The following GRM3 variants were observed in gnomAD, a reference collection of about 807,000 sequenced individuals.
GRM3 encodes glutamate metabotropic receptor 3, also known as metabotropic glutamate receptor 3.
GRM3 carries 26 observed loss-of-function variants against 70.5 expected under a neutral mutation model. The ratio of observed to expected loss-of-function variants is 0.37; its 90% CI spans 0.27 to 0.51. The LOEUF is 0.51. GRM3 is among the 20% of genes least tolerant of loss of function. GRM3 has a pLI of 0.93. For synonymous variants in GRM3, 443 were observed against 434.9 expected, an observed-to-expected ratio of 1.02 and a Z score of -0.23; for missense variants, 859 against 1,123.8, an observed-to-expected ratio of 0.76 and a Z score of 3.37.
intron 3 of GRM3, among the ~76,000 whole-genome samples, chr7:86,801,163 C>T (rs1322727437): frequency 1.3e-5 from 2 of 150,910 alleles, no homozygotes; most frequent in Admixed American, 6.6e-5. Context: ...CTCTGCCTCC[C>T]GAGTTCAAGC....
chr7:86,772,964 T>C (rs1272728426), intron 2 of GRM3, among the ~76,000 whole-genome samples: 1 of 152,132 alleles, frequency 6.6e-6, no homozygotes, highest in Non-Finnish European at 1.5e-5. Flanking sequence ...CATTGTCTCT[T>C]TACTCATGTC....
At chr7:86,719,394 G>A (rs112709499) in intron 1 of GRM3, among the ~76,000 whole-genome samples, 35 of 152,014 alleles carry the variant, frequency 2.3e-4, no homozygotes, top group African/African-American at 8.2e-4. Context: ...CAGTGTACCA[G>A]GCATATAAAG....
At chr7:86,648,618 G>A (rs1008471726) in intron 1 of GRM3, among the ~76,000 whole-genome samples, 6 of 151,888 alleles carry the variant, frequency 4.0e-5, no homozygotes, top group South Asian at 2.1e-4. Context: ...ATTATTCACC[G>A]TGCTGCATTA....
At chr7:86,730,365 AG>A (rs1795702791) in intron 1 of GRM3, among the ~76,000 whole-genome samples, 1 of 152,212 alleles carries the variant, frequency 6.6e-6, no homozygotes, top group African/African-American at 2.4e-5. Flanking sequence ...GGTTGCAGTG[AG>A]CCAAGATCGT....
chr7:86,838,718 T>TTCAATGGTAACTG, intron 3 of GRM3, 121 bp from the exon 4 acceptor site: 1 of 627,554 alleles, frequency 1.6e-6, no homozygotes, highest in Non-Finnish European at 2.8e-6. Flanking sequence ...ACTGATAAAT[T>TTCAATGGTAACTG]ATTTCAGCCT....
chr7:86,822,658 G>A (rs1431905890), intron 3 of GRM3, among the ~76,000 whole-genome samples: 1 of 152,170 alleles, frequency 6.6e-6, no homozygotes, highest in African/African-American at 2.4e-5. Context: ...GATTGTGTGG[G>A]ACTGTGAAAT....
intron 2 of GRM3, chr7:86,775,305 C>T (rs1000144583): frequency 6.6e-6 from 1 of 152,016 alleles, no homozygotes; most frequent in African/African-American, 2.4e-5. Context: ...CAAATAAAAA[C>T]ACAAGTACTT....
intron 1 of GRM3, among the ~76,000 whole-genome samples, chr7:86,687,366 G>C (rs1035752673): frequency 1.3e-5 from 2 of 151,894 alleles, no homozygotes; most frequent in Non-Finnish European, 2.9e-5. Context: ...AGTGCCTGGG[G>C]TGTAGCCAGG....
At chr7:86,788,614 A>G (rs1001621683) in intron 3 of GRM3, among the ~76,000 whole-genome samples, 54 of 152,344 alleles carry the variant, frequency 3.5e-4, no homozygotes, top group African/African-American at 1.2e-3. Flanking sequence ...TTCATCTTCA[A>G]ATCCCAGGTT....
chr7:86,683,777 G>A (rs1334292829), intron 1 of GRM3, among the ~76,000 whole-genome samples: 4 of 152,108 alleles, frequency 2.6e-5, no homozygotes, highest in Non-Finnish European at 5.9e-5. Flanking sequence ...ACTGGAAAGT[G>A]CCAGGTGCCT....
Position 86,864,642 on chromosome 7 carries a change from AAAAAAAAAC to A in GRM3, c.*296_*304del. 4.9e-6 allele frequency: 1 copy of A among 202,306 alleles called. No homozygotes were observed. The highest frequency in any genetic ancestry group is 1.1e-4 in the East Asian group (1 of 8,788). The allele number at this position is 202,306 out of a possible 1,614,324, so 12.5% of individuals were successfully genotyped here. A position where few individuals can be genotyped will look rare whatever the true frequency, so the allele number is the denominator to read the frequency against. ...CATGGTCAGTCTACTAAAAAACAAAAAAAAAAAACAAAAAAAAAAAAACAAAAGAAAAAA... is the reference window on the plus strand; with the variant it reads ...CATGGTCAGTCTACTAAAAAACAAAAAAAAAAAAAAAAACAAAAGAAAAAA... On this transcript the variant is annotated 3_prime_UTR_variant, in exon 6 of 6. Coordinates refer to ENST00000361669, the MANE Select transcript of GRM3 (RefSeq NM_000840.3).
intron 3 of GRM3, among the ~76,000 whole-genome samples, chr7:86,823,214 T>A (rs1242186742): frequency 6.6e-6 from 1 of 152,166 alleles, no homozygotes. Context: ...CTGTTCATGT[T>A]GTATATGTTT....
chr7:86,719,959 TA>T (rs1334655029), intron 1 of GRM3, among the ~76,000 whole-genome samples: 2 of 151,854 alleles, frequency 1.3e-5, no homozygotes, highest in African/African-American at 4.8e-5. Flanking sequence ...ATTACAAGGA[TA>T]AAAGTAGTAT....
chr7:86,670,049 C>A (rs1331003007), intron 1 of GRM3, among the ~76,000 whole-genome samples: 1 of 152,140 alleles, frequency 6.6e-6, no homozygotes, highest in Non-Finnish European at 1.5e-5. Context: ...TTCTAAAGCA[C>A]CCTCATTACC....
chr7:86,740,515 G>A (rs1351887126), intron 1 of GRM3, among the ~76,000 whole-genome samples: 2 of 152,070 alleles, frequency 1.3e-5, no homozygotes. Context: ...TGTAAAATAA[G>A]CCTAACCAGA....
At chr7:86,686,802 C>T (rs1393408003) in intron 1 of GRM3, among the ~76,000 whole-genome samples, 1 of 151,880 alleles carries the variant, frequency 6.6e-6, no homozygotes, top group Admixed American at 6.6e-5. Context: ...TAGAAACAGA[C>T]ACCTAGGTAT....
intron 1 of GRM3, among the ~76,000 whole-genome samples, chr7:86,736,682 A>G (rs2051108140): frequency 6.6e-6 from 1 of 152,174 alleles, no homozygotes; most frequent in African/African-American, 2.4e-5. Context: ...AAAAGAGCAA[A>G]GAAACCTTCC....
chr7:86,665,437 C>G (rs574005349), intron 1 of GRM3, among the ~76,000 whole-genome samples: 1 of 152,116 alleles, frequency 6.6e-6, no homozygotes, highest in East Asian at 1.9e-4. Context: ...CTGATTTCTA[C>G]CAATGCTAAA....
intron 1 of GRM3, among the ~76,000 whole-genome samples, chr7:86,749,148 C>G (rs1247978499): frequency 6.6e-6 from 1 of 152,058 alleles, no homozygotes; most frequent in Non-Finnish European, 1.5e-5. Flanking sequence ...ATTCTTACTA[C>G]TGGCATAGTT....
Sources: gnomAD v4.1 joint callset for allele counts (sites outside exome capture counted in the v4.1 genomes callset) on GRCh38, gnomAD v4.1.1 for gene constraint, MANE v1.5 for transcripts, NCBI Gene and HGNC (gene_info 2026-07-23, HGNC 2026-07-21) for gene names.